The following UBE2O variants were observed in gnomAD, a reference collection of about 807,000 sequenced individuals.
The protein encoded by UBE2O is (E3-independent) E2 ubiquitin-conjugating enzyme.
Under a neutral mutation model 125.8 loss-of-function variants are expected in UBE2O, and 15 were observed. The ratio of observed to expected loss-of-function variants is 0.12; its 90% CI spans 0.08 to 0.18. UBE2O has a LOEUF of 0.18. Ranked by LOEUF, UBE2O falls within the 10% of genes least tolerant of loss-of-function variation. The pLI is 1.00. For synonymous variants in UBE2O, 708 were observed against 703.2 expected (o/e 1.01, Z -0.11); for missense variants, 1,280 against 1,723.6 (o/e 0.74, Z 4.56).
At chr17:76,440,441 C>T (rs2073061258) in intron 1 of UBE2O, among the ~76,000 whole-genome samples, 1 of 152,202 alleles carries the variant, frequency 6.6e-6, no homozygotes, top group Admixed American at 6.5e-5. Context: ...GATCCTCTCA[C>T]CTCAGCCTAC....
chr17:76,451,935 CA>C (rs2143941650), intron 1 of UBE2O, among the ~76,000 whole-genome samples: 1 of 152,220 alleles, frequency 6.6e-6, no homozygotes, highest in East Asian at 1.9e-4. Flanking sequence ...CCCCAAAAAC[CA>C]TACGGGAGTC....
intron 1 of UBE2O, among the ~76,000 whole-genome samples, chr17:76,437,391 A>G (rs1355842463): frequency 6.7e-6 from 1 of 150,370 alleles, no homozygotes; most frequent in Non-Finnish European, 1.5e-5. Flanking sequence ...CGGAGCTTGC[A>G]GTGAGCCAAG....
chr17:76,442,795 C>T (rs886714331), intron 1 of UBE2O, among the ~76,000 whole-genome samples: 1 of 152,126 alleles, frequency 6.6e-6, no homozygotes, highest in Non-Finnish European at 1.5e-5. Flanking sequence ...CTTTGGAGGT[C>T]AGTTGGCGGC....
In UBE2O at chr17:76,424,623, C is replaced by A. The variant is rs2072773750; in HGVS notation, c.418-19051G>T. Among the ~76,000 whole-genome samples the A allele has an allele frequency of 3.3e-5, 5 of 152,050 alleles. No individual in the cohort carries two copies. The South Asian group carries it at 1.0e-3, about 32-fold the overall frequency. On this transcript the variant is annotated intron_variant, in intron 1 of 17. Transcript: ENST00000319380. The stretch of plus-strand genomic sequence containing the variant: ...AGTGAGGTGGCTCATGTCTGTAATT[C>A]CAGCACTTTGGGAAGCCAAGGTGGG...
intron 1 of UBE2O, among the ~76,000 whole-genome samples, chr17:76,416,208 GTA>G (rs1023654213): frequency 6.6e-6 from 1 of 150,966 alleles, no homozygotes; most frequent in African/African-American, 2.4e-5. Context: ...ATATGTGTGT[GTA>G]TATGTATGTA....
intron 1 of UBE2O, among the ~76,000 whole-genome samples, chr17:76,449,467 C>T (rs1044752467): frequency 3.3e-5 from 5 of 152,146 alleles, no homozygotes; most frequent in African/African-American, 9.7e-5. Context: ...CCCAGCTATG[C>T]GGGAGGCTGA....
At chr17:76,409,252 G>A (rs2072476544) in intron 1 of UBE2O, among the ~76,000 whole-genome samples, 2 of 152,156 alleles carry the variant, frequency 1.3e-5, no homozygotes, top group Non-Finnish European at 2.9e-5. Context: ...ACAGGCGTGA[G>A]CCACCGCGCC....
chr17:76,399,843 T>C lies in UBE2O; in HGVS notation c.1234A>G (p.Met412Val), dbSNP rs753942240. 1.9e-6 allele frequency: 3 copies of C among 1,614,158 alleles called. No individual in the cohort carries two copies. The highest frequency in any genetic ancestry group is 1.7e-6 in the Non-Finnish European group (2 of 1,180,018). The change falls in exon 9 of 18, where the codon ATG (methionine) becomes GTG (valine). Residue 412 changes from methionine (M) to valine (V), a missense_variant. Met to Val is a conservative substitution (Grantham distance 21). Around this residue, in one of 10 missense-constraint regions of UBE2O, gnomAD observed 141 missense variants for 141.3 expected, o/e 1.00. Coordinates refer to ENST00000319380, the MANE Select transcript of UBE2O (RefSeq NM_022066.4). The surrounding 1 kb of genome is among the most constrained non-coding windows in gnomAD (Gnocchi z 6.9). ...PDTQCSRDHS[M>V]EDPDKKGESK... ...TCCCCCTTCTTGTCTGGGTCTTCCA[T>C]GGAATGGTCCCGGGAACACTGGGTG... is the stretch of plus-strand genomic sequence containing the variant.
rs1332735902 is a variant in UBE2O, at chr17:76,391,339, C to T, written c.3483G>A (p.Gly1161=). 1 of 1,613,162 alleles carries T rather than the reference C, an allele frequency of 6.2e-7. No homozygotes were observed. The highest frequency in any genetic ancestry group is 1.1e-5 in the South Asian group (1 of 91,084). The change falls in exon 18 of 18, where the codon GGG becomes GGA. Residue 1161 remains glycine, a synonymous_variant. Transcript: ENST00000319380. This position sits in a 1 kb window ranked among gnomAD's most constrained non-coding sequence, Gnocchi z 8.4. ...LLEKAQALPN[G]VPKASSSPEP... is the part of the protein sequence containing the mutation. ...CTGGCGAGCTGCTGGCCTTGGGCAC[C>T]CCGTTGGGCAGTGCCTGGGCCTTCT...
intron 1 of UBE2O, among the ~76,000 whole-genome samples, chr17:76,439,730 C>A (rs770899607): frequency 2.0e-5 from 3 of 152,298 alleles, no homozygotes; most frequent in South Asian, 4.1e-4. Context: ...TGCCTTTATG[C>A]GCACTGGACT....
chr17:76,399,688 G>A lies in UBE2O; in HGVS notation c.1389C>T (p.Phe463=), dbSNP rs2072282493. Residue 463 remains phenylalanine (F), a synonymous_variant, in exon 9 of 18, where the codon TTC becomes TTT. Transcript: ENST00000319380. This position sits in a 1 kb window ranked among gnomAD's most constrained non-coding sequence, Gnocchi z 6.9. ...TGTCATCTCTGCCTTCTTTTAGCAG[G>A]AATGGGGGCAGCTGCTCTCCTGCCT... ...PHEAGEQLPP[F]LLKEGRDDRL... is the part of the protein sequence containing the mutation. 1.2e-6 allele frequency: 2 copies of A among 1,614,170 alleles called. No homozygotes were observed. The highest frequency in any genetic ancestry group is 1.7e-6 in the Non-Finnish European group (2 of 1,180,046).
Position 76,405,723 on chromosome 17 carries a change from A to G in UBE2O, c.418-151T>C. Reference sequence around the variant, plus strand: ...CTAGCAGTATCTTCACAGACCGCACACACCTCCGACCAGCACCCAGACCCA... The same window carrying G: ...CTAGCAGTATCTTCACAGACCGCACGCACCTCCGACCAGCACCCAGACCCA... On this transcript the variant is annotated intron_variant, in intron 1 of 17. Coordinates refer to ENST00000319380, the MANE Select transcript of UBE2O (RefSeq NM_022066.4). This position sits in a 1 kb window ranked among gnomAD's most constrained non-coding sequence, Gnocchi z 6.1. 1.4e-6 allele frequency: 1 copy of G among 716,518 alleles called. No homozygotes were observed. The highest frequency in any genetic ancestry group is 2.3e-6 in the Non-Finnish European group (1 of 428,334). 44.4% of individuals were successfully genotyped at this position (716,518 alleles called of 1,614,324 possible).
Position 76,430,572 on chromosome 17 carries a change from C to T in UBE2O, c.417+22153G>A, listed in dbSNP as rs75022324. ...GAGCTCATGAATCAGATCCTCGATG[C>T]AGATGATGCCATATTGACCATGAGA... On this transcript the variant is annotated intron_variant, in intron 1 of 17. Coordinates refer to ENST00000319380, the MANE Select transcript of UBE2O (RefSeq NM_022066.4). The T allele has an allele frequency of 6.6e-3, 1,759 of 267,534 alleles. 38 individuals are homozygous for T. The highest frequency in any genetic ancestry group is 0.038 in the African/African-American group (1,682 of 44,282). The allele number at this position is 267,534 out of a possible 1,614,324, so 16.6% of individuals were successfully genotyped here.
At chr17:76,409,746 A>T (rs2072485560) in intron 1 of UBE2O, among the ~76,000 whole-genome samples, 1 of 152,172 alleles carries the variant, frequency 6.6e-6, no homozygotes, top group Non-Finnish European at 1.5e-5. Flanking sequence ...GCCCAGTGGA[A>T]CCCAGGACCG....
intron 1 of UBE2O, among the ~76,000 whole-genome samples, chr17:76,416,601 C>G (rs1157950022): frequency 1.3e-5 from 2 of 152,206 alleles, no homozygotes; most frequent in African/African-American, 4.8e-5. Context: ...CCTGAGCCCA[C>G]ACCAACCTCC....
intron 1 of UBE2O, among the ~76,000 whole-genome samples, chr17:76,435,312 T>C (rs1318111359): frequency 1.3e-5 from 2 of 151,932 alleles, no homozygotes; most frequent in Non-Finnish European, 2.9e-5. Context: ...GTGAAAATGG[T>C]AGGAGGGAGA....
rs774561880 is a variant in UBE2O at position 76,400,409 on chromosome 17, C to T, written c.1004+32G>A. The T allele has an allele frequency of 2.5e-6, 4 of 1,601,140 alleles. No homozygotes were observed. The highest frequency in any genetic ancestry group is 3.4e-6 in the Non-Finnish European group (4 of 1,171,954). On this transcript the variant is annotated intron_variant, in intron 7 of 17. Coordinates refer to ENST00000319380, the MANE Select transcript of UBE2O (RefSeq NM_022066.4). The surrounding 1 kb of genome is among the most constrained non-coding windows in gnomAD (Gnocchi z 4.3). ...GCCCAGAGCCCTGTCCCACGCGTGC[C>T]CCTGGGTTGCTGGCAGTAAGGGCAT... is the stretch of plus-strand genomic sequence containing the variant.
Position 76,402,249 on chromosome 17 carries a change from A to G in UBE2O, c.687-122T>C. The G allele has an allele frequency of 1.2e-6, 1 of 864,918 alleles. No homozygotes were observed. The highest frequency in any genetic ancestry group is 1.7e-5 in the South Asian group (1 of 59,492). The allele number at this position is 864,918 out of a possible 1,614,324, so 53.6% of individuals were successfully genotyped here. ...TAGCACAATTCGTCTTCTACCATCA[A>G]CTCAGCCCGAGGTAGTACAAGAAAC... On this transcript the variant is annotated intron_variant, in intron 4 of 17. Transcript: ENST00000319380. The surrounding 1 kb of genome is among the most constrained non-coding windows in gnomAD (Gnocchi z 5.4).
chr17:76,422,460 T>C (rs1006921143), intron 1 of UBE2O, among the ~76,000 whole-genome samples: 1 of 152,166 alleles, frequency 6.6e-6, no homozygotes. Context: ...ATTCAGTTGT[T>C]CCCTCGCCCA....
Sources: gnomAD v4.1 joint callset for allele counts (sites outside exome capture counted in the v4.1 genomes callset) on GRCh38, gnomAD v4.1.1 for gene constraint, gnomAD v4.1.1 regional missense constraint, Gnocchi (gnomAD v3.1) non-coding constraint, MANE v1.5 for transcripts, NCBI Gene and HGNC (gene_info 2026-07-23, HGNC 2026-07-21) for gene names.